The following SCARB1 variants were observed in gnomAD, a reference collection of about 807,000 sequenced individuals.
SCARB1 encodes the protein scavenger receptor class B member 1.
Under a neutral mutation model 57.2 loss-of-function variants are expected in SCARB1, and 30 were observed. The observed-to-expected ratio is 0.52, with a 90% CI of 0.39 to 0.71. SCARB1 has a LOEUF of 0.71. Ranked by LOEUF, SCARB1 falls within the 30% of genes least tolerant of loss-of-function variation. The probability of loss-of-function intolerance (pLI) is 0.00; values close to 1 mark genes in which losing one functional copy is unlikely to be tolerated. For synonymous variants in SCARB1, 249 were observed against 268.3 expected, an observed-to-expected ratio of 0.93 and a Z score of 0.70; for missense variants, 543 against 671.2, an observed-to-expected ratio of 0.81 and a Z score of 2.11.
chr12:124,810,138 C>A lies in SCARB1; in HGVS notation c.842+36G>T. On this transcript the variant is annotated intron_variant, in intron 6 of 12. Transcript: ENST00000261693. This position sits in a 1 kb window ranked among gnomAD's most constrained non-coding sequence, Gnocchi z 4.0. ...CCACAGAATTTGGCCATGAGCTACC[C>A]AGGAAACCCAGGAGGCCCCGAGTCC... 1 of 1,438,716 alleles carries A rather than the reference C, an allele frequency of 7.0e-7. No individual in the cohort carries two copies. Among genetic ancestry groups the A allele is most frequent in the Non-Finnish European group, 9.8e-7 (1 of 1,022,084 alleles). The allele number at this position is 1,438,716 out of a possible 1,614,324, so 89.1% of individuals were successfully genotyped here. A position where few individuals can be genotyped will look rare whatever the true frequency, so the allele number is the denominator to read the frequency against.
intron 5 of SCARB1, 77 bp downstream of exon 5, chr12:124,811,793 G>T: frequency 2.1e-6 from 2 of 948,402 alleles, no homozygotes; most frequent in Non-Finnish European, 1.7e-6. Context: ...TCTGGTCCCT[G>T]CCACTCCCGA....
intron 1 of SCARB1, among the ~76,000 whole-genome samples, chr12:124,845,869 G>A (rs1194883774): frequency 3.3e-5 from 5 of 150,978 alleles, no homozygotes; most frequent in East Asian, 3.9e-4. Flanking sequence ...AAAATTAGCC[G>A]GGTGTGGTGA....
intron 9 of SCARB1, among the ~76,000 whole-genome samples, chr12:124,794,713 T>C (rs976390359): frequency 1.3e-5 from 2 of 152,142 alleles, no homozygotes; most frequent in African/African-American, 4.8e-5. Context: ...GGTGGATCAC[T>C]TGAGGCCAGG....
chr12:124,787,055 G>A (rs1949551490), intron 10 of SCARB1, among the ~76,000 whole-genome samples: 1 of 152,196 alleles, frequency 6.6e-6, no homozygotes, highest in Admixed American at 6.5e-5. Context: ...GAAAAGCTGC[G>A]AGAGAAGTAA....
Position 124,817,020 on chromosome 12 carries a change from ATGTG to A in SCARB1, c.284+526_284+529del, listed in dbSNP as rs71092225. The stretch of plus-strand genomic sequence containing the variant: ...GGTCGGTCCCTGCTCCTGGTCATGC[ATGTG>A]TGTGTGTGTGTGTGTGTGTGTGTGT... On this transcript the variant is annotated intron_variant, in intron 2 of 12. Coordinates refer to ENST00000261693, the MANE Select transcript of SCARB1 (RefSeq NM_005505.5). The surrounding 1 kb of genome is among the most constrained non-coding windows in gnomAD (Gnocchi z 4.8). Among the ~76,000 whole-genome samples, 4,498 of 146,110 alleles carry A rather than the reference ATGTG, an allele frequency of 0.031. 64 individuals are homozygous for A. The highest frequency in any genetic ancestry group is 0.035 in the African/African-American group (1,394 of 39,718).
rs569078399 is a variant in SCARB1 at position 124,837,733 on chromosome 12, A to C, written c.127-20026T>G. 3.0e-5 allele frequency among the ~76,000 whole-genome samples: 3 copies of C among 98,452 alleles called. No homozygotes were observed. In the East Asian group the frequency reaches 9.0e-4, roughly 29 times the overall value. 64.6% of individuals were successfully genotyped at this position (98,452 alleles called of 152,430 possible). A position where few individuals can be genotyped will look rare whatever the true frequency, so the allele number is the denominator to read the frequency against. ...GAGGACCCCCCCTACACACCCACCC[A>C]CCAACCTATAAAAAAAAAAAATGAG... On this transcript the variant is annotated intron_variant, in intron 1 of 12. Coordinates refer to ENST00000261693, the MANE Select transcript of SCARB1 (RefSeq NM_005505.5).
intron 8 of SCARB1, among the ~76,000 whole-genome samples, chr12:124,799,754 A>T (rs1270717602): frequency 6.6e-6 from 1 of 152,084 alleles, no homozygotes; most frequent in Non-Finnish European, 1.5e-5. Context: ...ACACGGGACA[A>T]ATTCCCTGTG....
intron 6 of SCARB1, 125 bp from the exon 7 acceptor site, chr12:124,808,052 G>A (rs774550210): frequency 5.6e-6 from 5 of 892,488 alleles, no homozygotes; most frequent in East Asian, 2.6e-5. Flanking sequence ...GGTCCAAACC[G>A]CCCCCATCTC....
At chr12:124,860,435 G>A in intron 1 of SCARB1, among the ~76,000 whole-genome samples, 1 of 152,240 alleles carries the variant, frequency 6.6e-6, no homozygotes, top group African/African-American at 2.4e-5. Flanking sequence ...TGCAGTGAGG[G>A]GCCTCTCCCC....
At chr12:124,844,638 G>A (rs959639616) in intron 1 of SCARB1, among the ~76,000 whole-genome samples, 1 of 152,080 alleles carries the variant, frequency 6.6e-6, no homozygotes, top group Admixed American at 6.6e-5. Context: ...CCCGCAGAGA[G>A]TCACCGGGGA....
chr12:124,806,622 C>T (rs1362807718), intron 7 of SCARB1, among the ~76,000 whole-genome samples: 2 of 152,204 alleles, frequency 1.3e-5, no homozygotes, highest in East Asian at 3.9e-4. Context: ...GGGCCGGGCA[C>T]AGTGGCTCAC....
At position 124,807,747 on chromosome 12, in the gene SCARB1, G is replaced by A. The variant is rs765020420; in HGVS notation, c.1009+14C>T. On this transcript the variant is annotated intron_variant, in intron 7 of 12. Coordinates refer to ENST00000261693, the MANE Select transcript of SCARB1 (RefSeq NM_005505.5). The surrounding 1 kb of genome is among the most constrained non-coding windows in gnomAD (Gnocchi z 5.3). ...ACACCCTCCCGCCATCCCAGCACAG[G>A]GGACGGCACGTACTGAACCTGCAGG... 51 of 1,613,818 alleles carry A rather than the reference G, an allele frequency of 3.2e-5. No individual in the cohort carries two copies. Among genetic ancestry groups the A allele is most frequent in the Non-Finnish European group, 4.2e-5 (50 of 1,179,948 alleles).
At chr12:124,806,632 C>T (rs1043919732) in intron 7 of SCARB1, among the ~76,000 whole-genome samples, 1 of 152,242 alleles carries the variant, frequency 6.6e-6, no homozygotes, top group East Asian at 1.9e-4. Flanking sequence ...CAGTGGCTCA[C>T]ACCTGTAATC....
chr12:124,809,875 C>G (rs761536105), intron 6 of SCARB1, among the ~76,000 whole-genome samples: 6 of 152,174 alleles, frequency 3.9e-5, no homozygotes, highest in Non-Finnish European at 7.3e-5. Flanking sequence ...CAGAGGGAGC[C>G]CACCTCTCGC....
rs1472599245 is a variant in SCARB1, at chr12:124,860,765, A to G, written c.126+2830T>C. 6.6e-5 allele frequency among the ~76,000 whole-genome samples: 10 copies of G among 152,368 alleles called. No individual in the cohort carries two copies. The Middle Eastern group carries it at 0.014, about 207-fold the overall frequency. On this transcript the variant is annotated intron_variant, in intron 1 of 12. Transcript: ENST00000261693. The stretch of plus-strand genomic sequence containing the variant: ...TTGTGACAGAGAAAATGATCAGTCA[A>G]TGGAGAAACAGGTAAACAAGTCTAT...
intron 1 of SCARB1, 122 bp downstream of exon 1, chr12:124,863,473 G>C: frequency 9.6e-7 from 1 of 1,040,570 alleles, no homozygotes; most frequent in Non-Finnish European, 1.4e-6. Flanking sequence ...GCTCTGCGGC[G>C]CCAGGCCCGG....
intron 1 of SCARB1, among the ~76,000 whole-genome samples, chr12:124,836,785 C>T (rs919275104): frequency 2.0e-5 from 3 of 152,140 alleles, no homozygotes; most frequent in African/African-American, 7.2e-5. Flanking sequence ...CAGAGCAAGA[C>T]CCTGTCTCAA....
Position 124,807,967 on chromosome 12 carries a change from C to A in SCARB1, c.843-40G>T. The A allele has an allele frequency of 1.2e-6, 2 of 1,607,096 alleles. No homozygotes were observed. The highest frequency in any genetic ancestry group is 1.1e-5 in the South Asian group (1 of 90,888). ...CAGGATGAGAGGGGACACCCAGACC[C>A]GGCGGCCAGAGCCAGGCCCTGCCAA... On this transcript the variant is annotated intron_variant, in intron 6 of 12. Coordinates refer to ENST00000261693, the MANE Select transcript of SCARB1 (RefSeq NM_005505.5). The surrounding 1 kb of genome is among the most constrained non-coding windows in gnomAD (Gnocchi z 5.3).
rs970287086 is a variant in SCARB1 at position 124,789,729 on chromosome 12, G to A, written c.1203-2272C>T. On this transcript the variant is annotated intron_variant, in intron 9 of 12. Transcript: ENST00000261693. The surrounding 1 kb of genome is among the most constrained non-coding windows in gnomAD (Gnocchi z 4.4). ...AAGAAAAATTAATTTTTAAAAAGAG[G>A]GGCTGGGGCGTGGTGGCTCACGCCT... is the stretch of plus-strand genomic sequence containing the variant. Among the ~76,000 whole-genome samples the A allele has an allele frequency of 6.6e-6, 1 of 152,158 alleles. No individual in the cohort carries two copies. The highest frequency in any genetic ancestry group is 2.4e-5 in the African/African-American group (1 of 41,430).
Sources: gnomAD v4.1 joint callset for allele counts (sites outside exome capture counted in the v4.1 genomes callset) on GRCh38, gnomAD v4.1.1 for gene constraint, Gnocchi (gnomAD v3.1) non-coding constraint, MANE v1.5 for transcripts, NCBI Gene and HGNC (gene_info 2026-07-23, HGNC 2026-07-21) for gene names.